SNAP23: variants seen among roughly 807,000 people sequenced by gnomAD.
The protein encoded by SNAP23 is synaptosomal-associated protein 23.
A neutral mutation model predicts 29.0 loss-of-function variants in SNAP23; 11 were observed. The ratio of observed to expected loss-of-function variants is 0.38; its 90% CI spans 0.24 to 0.63. The LOEUF is 0.63. Among genes scored for constraint, SNAP23 ranks in the 20% least tolerant of loss-of-function variants. The pLI is 0.58. For missense variants in SNAP23, 220 were observed against 253.9 expected (o/e 0.87, Z 0.91); for synonymous variants, 60 against 82.9 (o/e 0.72, Z 1.50).
chr15:42,497,954 A>G (rs1192927258), intron 1 of SNAP23, among the ~76,000 whole-genome samples: 2 of 152,196 alleles, frequency 1.3e-5, no homozygotes, highest in Non-Finnish European at 2.9e-5. Context: ...TTACGTCTTA[A>G]AACTTATTTT....
chr15:42,525,629 A>G (rs1004963947), intron 5 of SNAP23, among the ~76,000 whole-genome samples: 13 of 150,614 alleles, frequency 8.6e-5, no homozygotes, highest in African/African-American at 2.9e-4. Context: ...ACACCCAGCT[A>G]AGTTTTGTAT....
At chr15:42,501,571 T>G (rs2057270722) in intron 1 of SNAP23, among the ~76,000 whole-genome samples, 1 of 151,880 alleles carries the variant, frequency 6.6e-6, no homozygotes, top group African/African-American at 2.4e-5. Flanking sequence ...GGCTGATTTT[T>G]TTTTTGTTGT....
At position 42,528,000 on chromosome 15, in the gene SNAP23, A is replaced by G. The variant is rs182340707; in HGVS notation, c.267-262A>G. 237 of 355,798 alleles carry G rather than the reference A, an allele frequency of 6.7e-4. 1 individual carries two copies. In the East Asian group the frequency reaches 6.7e-3, roughly 10 times the overall value. 22.0% of individuals were successfully genotyped at this position (355,798 alleles called of 1,614,324 possible). On this transcript the variant is annotated intron_variant, in intron 5 of 7. Coordinates refer to ENST00000249647, the MANE Select transcript of SNAP23 (RefSeq NM_003825.4). ...AAAAATCAAATAGTTGCCTTTTGCT[A>G]CTTGCTAACAGCCTAGTGAAGATTT...
intron 1 of SNAP23, among the ~76,000 whole-genome samples, chr15:42,504,424 C>T (rs955196248): frequency 6.6e-6 from 1 of 152,076 alleles, no homozygotes; most frequent in Non-Finnish European, 1.5e-5. Context: ...TACTTTATAT[C>T]ATCAACTTTA....
intron 2 of SNAP23, chr15:42,512,118 A>G: frequency 3.2e-6 from 1 of 312,956 alleles, no homozygotes; most frequent in East Asian, 5.3e-5. Context: ...TTTTTAGGTA[A>G]TTATTAATAT....
chr15:42,496,203 G>A (rs1305733126), intron 1 of SNAP23, among the ~76,000 whole-genome samples: 2 of 152,072 alleles, frequency 1.3e-5, no homozygotes, highest in African/African-American at 4.8e-5. Context: ...TTGGAGTGGT[G>A]GGGGGAAAAA....
rs2057580729 is a variant in SNAP23, at chr15:42,533,022, C to T, written c.*1544C>T. The T allele has an allele frequency of 6.6e-6, 1 of 152,588 alleles. No homozygotes were observed. Among genetic ancestry groups the T allele is most frequent in the African/African-American group, 2.4e-5 (1 of 41,450 alleles). The allele number at this position is 152,588 out of a possible 1,614,324, so 9.5% of individuals were successfully genotyped here. ...AGTGTGTATTGGTTTCACCAATAAC[C>T]ACTGCTTGATCCTTACAATTAAATT... is the stretch of plus-strand genomic sequence containing the variant. On this transcript the variant is annotated 3_prime_UTR_variant, in exon 8 of 8. Transcript: ENST00000249647.
chr15:42,496,121 G>C (rs8028918), intron 1 of SNAP23, among the ~76,000 whole-genome samples: 2 of 152,134 alleles, frequency 1.3e-5, no homozygotes, highest in Middle Eastern at 3.2e-3. Flanking sequence ...CTCTAGAAAG[G>C]TTCAGCCTTA....
chr15:42,525,301 G>T (rs1245192871), intron 5 of SNAP23, among the ~76,000 whole-genome samples: 1 of 149,534 alleles, frequency 6.7e-6, no homozygotes, highest in Non-Finnish European at 1.5e-5. Flanking sequence ...CCGGGAGGCG[G>T]AGCTTGCAGT....
Position 42,529,824 on chromosome 15 carries a change from A to C in SNAP23, c.570+5A>C. 1 of 1,610,004 alleles carries C rather than the reference A, an allele frequency of 6.2e-7. No individual in the cohort carries two copies. Among genetic ancestry groups the C allele is most frequent in the Non-Finnish European group, 8.5e-7 (1 of 1,179,010 alleles). On this transcript the variant is annotated splice_donor_5th_base_variant and intron_variant, in intron 7 of 7. Coordinates refer to ENST00000249647, the MANE Select transcript of SNAP23 (RefSeq NM_003825.4). ...ATAAAACGAATCACAGACAAGGTAA[A>C]AGCTTTTTATTGCCACAAGAAAATG...
At chr15:42,515,455 T>C in intron 5 of SNAP23, 101 bp downstream of exon 5, 1 of 679,138 alleles carries the variant, frequency 1.5e-6, no homozygotes, top group Non-Finnish European at 2.5e-6. Context: ...AATGAGGAAC[T>C]CTATTAGATA....
At chr15:42,514,399 T>C (rs2057382202) in intron 4 of SNAP23, among the ~76,000 whole-genome samples, 1 of 152,136 alleles carries the variant, frequency 6.6e-6, no homozygotes, top group Admixed American at 6.5e-5. Flanking sequence ...TCCGCCCACG[T>C]CGGCCTCCCG....
rs1011450764 is a variant in SNAP23, at chr15:42,532,541, G to A, written c.*1063G>A. ...TTAGTAGTATCATGGTTCCATTACAGGCCTATTAACATCATACATTGTCAT... is the reference window on the plus strand; with the variant it reads ...TTAGTAGTATCATGGTTCCATTACAAGCCTATTAACATCATACATTGTCAT... On this transcript the variant is annotated 3_prime_UTR_variant, in exon 8 of 8. Transcript: ENST00000249647. 6.6e-6 allele frequency: 1 copy of A among 152,484 alleles called. No individual in the cohort carries two copies. The highest frequency in any genetic ancestry group is 2.4e-5 in the African/African-American group (1 of 41,404). 9.4% of individuals were successfully genotyped at this position (152,484 alleles called of 1,614,324 possible). A position where few individuals can be genotyped will look rare whatever the true frequency, so the allele number is the denominator to read the frequency against.
intron 1 of SNAP23, among the ~76,000 whole-genome samples, chr15:42,504,194 G>A (rs2057299543): frequency 6.6e-6 from 1 of 151,406 alleles, no homozygotes. Context: ...TATAATAAAA[G>A]GGCCAGGTGT....
Position 42,515,303 on chromosome 15 carries a change from C to T in SNAP23, c.215C>T (p.Thr72Ile). 1 of 1,612,842 alleles carries T rather than the reference C, an allele frequency of 6.2e-7. No homozygotes were observed. The change falls in exon 5 of 8, where the codon ACT becomes ATT. Residue 72 changes from threonine to isoleucine, a missense_variant. Physicochemically the swap from Thr to Ile is moderately conservative, Grantham distance 89 (BLOSUM62 -1). Transcript: ENST00000249647. Reference protein sequence around the residue: ...INKDMRETEKTLTELNKCCGL... With the variant: ...INKDMRETEKILTELNKCCGL... The stretch of plus-strand genomic sequence containing the variant: ...AAGGACATGAGAGAGACAGAGAAGA[C>T]TTTAACAGAACTCAACAAATGCTGT...
chr15:42,495,611 AG>A (rs2141492175), upstream of SNAP23: 1 of 152,460 alleles, frequency 6.6e-6, no homozygotes, highest in East Asian at 1.9e-4. Flanking sequence ...GGAAGTGAGC[AG>A]GCGCGCGGGC....
chr15:42,510,586 C>G (rs529437744), intron 1 of SNAP23, among the ~76,000 whole-genome samples: 206 of 152,150 alleles, frequency 1.4e-3, no homozygotes, highest in Non-Finnish European at 2.6e-3. Flanking sequence ...GAGAGTACAC[C>G]CTGTTTTTCT....
At chr15:42,497,809 A>C (rs959922113) in intron 1 of SNAP23, among the ~76,000 whole-genome samples, 2 of 152,210 alleles carry the variant, frequency 1.3e-5, no homozygotes, top group Admixed American at 1.3e-4. Context: ...TGTAAAATCA[A>C]AAGCAAGTTA....
chr15:42,524,061 C>A (rs1275528045), intron 5 of SNAP23, among the ~76,000 whole-genome samples: 1 of 152,108 alleles, frequency 6.6e-6, no homozygotes, highest in Non-Finnish European at 1.5e-5. Context: ...CACGATCCAC[C>A]CACCTCGGCC....
Sources: gnomAD v4.1 joint callset for allele counts (sites outside exome capture counted in the v4.1 genomes callset) on GRCh38, gnomAD v4.1.1 for gene constraint, MANE v1.5 for transcripts, NCBI Gene and HGNC (gene_info 2026-07-23, HGNC 2026-07-21) for gene names.